The following ZSWIM5 variants were observed in gnomAD, a reference collection of about 807,000 sequenced individuals.
ZSWIM5 encodes the protein zinc finger SWIM domain-containing protein 5.
In ZSWIM5, 55 loss-of-function variants were observed where a neutral mutation model predicts 119.6. The observed-to-expected ratio is 0.46, with a 90% CI of 0.37 to 0.58. The LOEUF is 0.58. Among genes scored for constraint, ZSWIM5 ranks in the 20% least tolerant of loss-of-function variants. The probability of loss-of-function intolerance (pLI) is 0.00; values close to 1 mark genes in which losing one functional copy is unlikely to be tolerated. For synonymous variants in ZSWIM5, 537 were observed against 606.9 expected, an observed-to-expected ratio of 0.88 and a Z score of 1.69; for missense variants, 1,193 against 1,512.8, an observed-to-expected ratio of 0.79 and a Z score of 3.51.
chr1:45,097,237 T>G (rs1645408782), intron 1 of ZSWIM5, among the ~76,000 whole-genome samples: 1 of 152,234 alleles, frequency 6.6e-6, no homozygotes, highest in Admixed American at 6.5e-5. Flanking sequence ...TGGGCTAGAC[T>G]CCACCTTGGA....
At chr1:45,070,236 T>C in intron 2 of ZSWIM5, 1 of 1,462,238 alleles carries the variant, frequency 6.8e-7, no homozygotes, top group Non-Finnish European at 9.6e-7. Context: ...ATGCCCATGT[T>C]CATCAGTCAC....
intron 3 of ZSWIM5, 99 bp from the exon 4 acceptor site, chr1:45,058,858 A>C (rs1424829295): frequency 7.4e-7 from 1 of 1,357,990 alleles, no homozygotes; most frequent in Non-Finnish European, 1.0e-6. Context: ...GAAGTATCTG[A>C]GTACACCATA....
chr1:45,203,682 A>C (rs774366990), intron 1 of ZSWIM5, among the ~76,000 whole-genome samples: 1 of 152,106 alleles, frequency 6.6e-6, no homozygotes, highest in Non-Finnish European at 1.5e-5. Context: ...TCATTTACTT[A>C]TAACTTTAAG....
chr1:45,206,456 A>AG lies in ZSWIM5; in HGVS notation c.-107dup. On this transcript the variant is annotated 5_prime_UTR_variant, in exon 1 of 14. Coordinates refer to ENST00000359600, the MANE Select transcript of ZSWIM5 (RefSeq NM_020883.2). ...GCGCAAGCGCCCAGCGGTGGCGCCG[A>AG]GGGGGGCGGGGCGAGAGAACCCGCG... 3 of 1,215,668 alleles carry AG rather than the reference A, an allele frequency of 2.5e-6. No individual in the cohort carries two copies. Among genetic ancestry groups the AG allele is most frequent in the African/African-American group, 1.6e-5 (1 of 63,354 alleles). The allele number at this position is 1,215,668 out of a possible 1,614,324, so 75.3% of individuals were successfully genotyped here. A position where few individuals can be genotyped will look rare whatever the true frequency, so the allele number is the denominator to read the frequency against.
Position 45,200,981 on chromosome 1 carries a change from G to C in ZSWIM5, c.595+4775C>G, listed in dbSNP as rs555628357. Among the ~76,000 whole-genome samples the C allele has an allele frequency of 1.2e-4, 18 of 152,290 alleles. No individual in the cohort carries two copies. In the South Asian group the frequency reaches 1.7e-3, roughly 14 times the overall value. Reference sequence around the variant, plus strand: ...ATGTGACTTTGGGAATAGGGTTGTTGTGTATGTGATTGAGATGAGGTCATA... The same window carrying C: ...ATGTGACTTTGGGAATAGGGTTGTTCTGTATGTGATTGAGATGAGGTCATA... On this transcript the variant is annotated intron_variant, in intron 1 of 13. Transcript: ENST00000359600.
chr1:45,085,537 T>C (rs566165597), intron 2 of ZSWIM5, among the ~76,000 whole-genome samples: 2 of 150,006 alleles, frequency 1.3e-5, no homozygotes, highest in Admixed American at 6.6e-5. Context: ...TGTTTTTTTT[T>C]TTTTTTTTTT....
intron 1 of ZSWIM5, among the ~76,000 whole-genome samples, chr1:45,179,712 G>A (rs1275097890): frequency 6.6e-6 from 1 of 152,102 alleles, no homozygotes; most frequent in East Asian, 1.9e-4. Flanking sequence ...TTGTTATGAT[G>A]GCATGGTAAA....
intron 6 of ZSWIM5, among the ~76,000 whole-genome samples, chr1:45,042,874 CAT>C (rs1272010629): frequency 2.0e-5 from 3 of 152,114 alleles, no homozygotes; most frequent in African/African-American, 7.2e-5. Flanking sequence ...TTTAACAAAA[CAT>C]GTAATTTCAG....
intron 1 of ZSWIM5, among the ~76,000 whole-genome samples, chr1:45,115,189 A>AG (rs1344819068): frequency 6.6e-6 from 1 of 151,726 alleles, no homozygotes; most frequent in Non-Finnish European, 1.5e-5. Context: ...GCCGCCGGGC[A>AG]GAGGGGCTCC....
intron 2 of ZSWIM5, among the ~76,000 whole-genome samples, chr1:45,071,146 T>C (rs937360209): frequency 6.6e-6 from 1 of 152,214 alleles, no homozygotes; most frequent in African/African-American, 2.4e-5. Flanking sequence ...TTCAGTGATT[T>C]AAAAATGTAC....
intron 1 of ZSWIM5, among the ~76,000 whole-genome samples, chr1:45,120,707 C>T (rs2149027426): frequency 6.6e-6 from 1 of 151,826 alleles, no homozygotes; most frequent in African/African-American, 2.4e-5. Context: ...AACTCCTGGG[C>T]TCAAGTGATC....
At chr1:45,082,324 T>C (rs1437184618) in intron 2 of ZSWIM5, among the ~76,000 whole-genome samples, 1 of 118,572 alleles carries the variant, frequency 8.4e-6, no homozygotes, top group Non-Finnish European at 1.8e-5. Context: ...AATGATCAAT[T>C]AAAAAAAAAA....
At chr1:45,170,136 T>A (rs904284296) in intron 1 of ZSWIM5, among the ~76,000 whole-genome samples, 1 of 152,156 alleles carries the variant, frequency 6.6e-6, no homozygotes, top group Non-Finnish European at 1.5e-5. Context: ...AAAAGCCATC[T>A]GAAAGCTAGA....
chr1:45,118,737 C>CAAAAA (rs60441320), intron 1 of ZSWIM5, among the ~76,000 whole-genome samples: 27 of 94,836 alleles, frequency 2.8e-4, no homozygotes, highest in East Asian at 1.3e-3. Context: ...GAACCTGTCT[C>CAAAAA]AAAAAAAAAA....
At position 45,195,899 on chromosome 1, in the gene ZSWIM5, G is replaced by A. The variant is rs376258545; in HGVS notation, c.595+9857C>T. Among the ~76,000 whole-genome samples the A allele has an allele frequency of 1.1e-3, 169 of 148,492 alleles. 1 individual carries two copies. The highest frequency in any genetic ancestry group is 7.1e-3 in the Admixed American group (105 of 14,850). ...TTTTTTTTTTTTTTAGACAGGTCTC[G>A]CTCTGTCACCTACGCTGGAGAGCAG... On this transcript the variant is annotated intron_variant, in intron 1 of 13. Transcript: ENST00000359600.
chr1:45,040,812 A>G (rs898304313), intron 6 of ZSWIM5, among the ~76,000 whole-genome samples: 1 of 152,236 alleles, frequency 6.6e-6, no homozygotes, highest in Non-Finnish European at 1.5e-5. Context: ...CTTTGCAAAC[A>G]TATATTATAC....
chr1:45,114,084 C>A (rs760047294), intron 1 of ZSWIM5, among the ~76,000 whole-genome samples: 4 of 152,168 alleles, frequency 2.6e-5, no homozygotes, highest in Non-Finnish European at 4.4e-5. Context: ...AGTGACAATA[C>A]ATAATTAAAC....
chr1:45,096,385 A>G (rs759905587), intron 1 of ZSWIM5, among the ~76,000 whole-genome samples: 3 of 151,262 alleles, frequency 2.0e-5, no homozygotes, highest in Admixed American at 1.3e-4. Context: ...CCTACAGTCC[A>G]TTTTTTGATG....
intron 1 of ZSWIM5, among the ~76,000 whole-genome samples, chr1:45,187,391 C>A (rs1284806701): frequency 6.6e-6 from 1 of 151,672 alleles, no homozygotes; most frequent in Non-Finnish European, 1.5e-5. Flanking sequence ...AAATGGATAT[C>A]CATATTAAAA....
Sources: allele counts gnomAD v4.1 joint callset (sites outside exome capture counted in the v4.1 genomes callset), GRCh38; gene constraint gnomAD v4.1.1; transcripts MANE v1.5; gene names NCBI Gene and HGNC (gene_info 2026-07-23, HGNC 2026-07-21).